PIKFYVE: variants seen among roughly 807,000 people sequenced by gnomAD.
The protein encoded by PIKFYVE is phosphoinositide kinase, FYVE-type zinc finger containing.
PIKFYVE carries 122 observed loss-of-function variants against 257.9 expected under a neutral mutation model. That is an observed-to-expected ratio of 0.47 (90% confidence interval 0.41 to 0.55). PIKFYVE has a LOEUF of 0.55. Ranked by LOEUF, PIKFYVE falls within the 20% of genes least tolerant of loss-of-function variation. PIKFYVE has a pLI of 0.00. For synonymous variants in PIKFYVE, 892 were observed against 868.9 expected, an observed-to-expected ratio of 1.03 and a Z score of -0.47; for missense variants, 2,160 against 2,536.6, an observed-to-expected ratio of 0.85 and a Z score of 3.19.
At position 208,357,618 on chromosome 2, in the gene PIKFYVE, GT is replaced by G. The variant is rs1489258937; in HGVS notation, c.*2314del. ...TAATCTCTCATTTTAAAATTGGACA[GT>G]ATTAATGAAGGGGAAATATACAATT... is the stretch of plus-strand genomic sequence containing the variant. On this transcript the variant is annotated 3_prime_UTR_variant, in exon 42 of 42. Transcript: ENST00000264380. 6.6e-6 allele frequency: 1 copy of G among 152,176 alleles called. No homozygotes were observed. Among genetic ancestry groups the G allele is most frequent in the East Asian group, 1.9e-4 (1 of 5,196 alleles). The allele number at this position is 152,176 out of a possible 1,614,324, so 9.4% of individuals were successfully genotyped here. A position where few individuals can be genotyped will look rare whatever the true frequency, so the allele number is the denominator to read the frequency against.
At chr2:208,319,006 G>C (rs1695892460) in intron 16 of PIKFYVE, among the ~76,000 whole-genome samples, 1 of 149,714 alleles carries the variant, frequency 6.7e-6, no homozygotes, top group South Asian at 2.1e-4. Flanking sequence ...GTCATTTGTT[G>C]GTCCTTGCAT....
chr2:208,290,900 G>A lies in PIKFYVE; in HGVS notation c.911+2082G>A, dbSNP rs117814046. ...CTATAATCACTTACTAATTTCAGGA[G>A]TTCGTTAGTTCTTTTGGATTTTCTA... On this transcript the variant is annotated intron_variant, in intron 7 of 41. Coordinates refer to ENST00000264380, the MANE Select transcript of PIKFYVE (RefSeq NM_015040.4). Among the ~76,000 whole-genome samples, 107 of 152,260 alleles carry A rather than the reference G, an allele frequency of 7.0e-4. 1 individual carries two copies. The East Asian group carries it at 0.02, about 28-fold the overall frequency.
chr2:208,310,114 A>G (rs1474272935), intron 12 of PIKFYVE, among the ~76,000 whole-genome samples: 1 of 152,150 alleles, frequency 6.6e-6, no homozygotes, highest in South Asian at 2.1e-4. Flanking sequence ...TTGAAGCGTA[A>G]TAGTTTGCTG....
chr2:208,355,098 G>A, intron 41 of PIKFYVE, 92 bp from the exon 42 acceptor site: 2 of 955,040 alleles, frequency 2.1e-6, no homozygotes, highest in Non-Finnish European at 3.3e-6. Context: ...TATCTTTATG[G>A]CAGTTTATAT....
chr2:208,342,477 A>C (rs1212446125), intron 31 of PIKFYVE, 77 bp from the exon 32 acceptor site: 10 of 1,062,810 alleles, frequency 9.4e-6, no homozygotes, highest in South Asian at 7.8e-5. Flanking sequence ...TCATATCTGC[A>C]TACATTTTGG....
At chr2:208,270,932 AG>A in intron 1 of PIKFYVE, among the ~76,000 whole-genome samples, 1 of 151,508 alleles carries the variant, frequency 6.6e-6, no homozygotes, top group Admixed American at 6.6e-5. Flanking sequence ...GCTACTCAGG[AG>A]GCTGAGGCAG....
intron 2 of PIKFYVE, among the ~76,000 whole-genome samples, chr2:208,272,379 T>C (rs904863127): frequency 3.3e-5 from 5 of 152,180 alleles, no homozygotes; most frequent in African/African-American, 1.2e-4. Context: ...TGGGGGTTAA[T>C]AGCTAAAATA....
At chr2:208,297,647 T>C (rs1032014006) in intron 7 of PIKFYVE, among the ~76,000 whole-genome samples, 5 of 152,162 alleles carry the variant, frequency 3.3e-5, no homozygotes, top group Non-Finnish European at 4.4e-5. Context: ...TAGGATGCTG[T>C]GAAGATTAAA....
At position 208,335,790 on chromosome 2, in the gene PIKFYVE, T is replaced by TA; in HGVS notation, c.4257-2dup. On this transcript the variant is annotated splice_region_variant and splice_polypyrimidine_tract_variant and intron_variant, in intron 25 of 41. Coordinates refer to ENST00000264380, the MANE Select transcript of PIKFYVE (RefSeq NM_015040.4). ...AAGTGTTTAATGCTCTCGCTATTGT[T>TA]AGAGTTTCACAGGTATATGTTGCCA... is the stretch of plus-strand genomic sequence containing the variant. 6.2e-7 allele frequency: 1 copy of TA among 1,603,124 alleles called. No homozygotes were observed. Among genetic ancestry groups the TA allele is most frequent in the Non-Finnish European group, 8.5e-7 (1 of 1,170,352 alleles).
intron 21 of PIKFYVE, among the ~76,000 whole-genome samples, chr2:208,328,586 T>A (rs1298916626): frequency 6.6e-6 from 1 of 152,192 alleles, no homozygotes; most frequent in African/African-American, 2.4e-5. Context: ...GGATTTAATA[T>A]TTTTTCAAAT....
At chr2:208,320,424 T>C in intron 17 of PIKFYVE, 65 bp downstream of exon 17, 2 of 1,580,512 alleles carry the variant, frequency 1.3e-6, no homozygotes, top group Admixed American at 3.4e-5. Context: ...GCTTATAAAC[T>C]CTTAATGATT....
In PIKFYVE at chr2:208,354,584, A is replaced by C; in HGVS notation, c.6120A>C (p.Thr2040=). The C allele has an allele frequency of 6.2e-7, 1 of 1,612,772 alleles. No homozygotes were observed. Among genetic ancestry groups the C allele is most frequent in the South Asian group, 1.1e-5 (1 of 91,044 alleles). ...LVVGIIDYIR[T]FTWDKKLEMV... The stretch of plus-strand genomic sequence containing the variant: ...TCTACCCCCCAGATTATATTCGAAC[A>C]TTTACATGGGACAAAAAGCTTGAGA... Residue 2040 remains threonine (T), a synonymous_variant, in exon 41 of 42, where the codon ACA becomes ACC. Transcript: ENST00000264380.
intron 12 of PIKFYVE, among the ~76,000 whole-genome samples, chr2:208,310,583 G>A (rs1421937064): frequency 2.0e-5 from 3 of 152,146 alleles, no homozygotes; most frequent in Non-Finnish European, 2.9e-5. Flanking sequence ...CACGGCTTCC[G>A]TAAATCTCTA....
intron 3 of PIKFYVE, 166 bp downstream of exon 3, chr2:208,273,899 C>T (rs1574399620): frequency 7.3e-6 from 10 of 1,361,816 alleles, no homozygotes; most frequent in East Asian, 2.5e-5. Context: ...ACTCTTACCT[C>T]GGTAGTGAAA....
chr2:208,345,161 G>GCACT lies in PIKFYVE; in HGVS notation c.5078_5079insCACT (p.Trp1693CysfsTer13). On this transcript the variant is annotated frameshift_variant, in exon 33 of 42. Coordinates refer to ENST00000264380, the MANE Select transcript of PIKFYVE (RefSeq NM_015040.4). LOFTEE classifies it high-confidence loss of function. ...GAGGAATTGTCTAAAGCGACTCAGT[G>GCACT]GAACAGTGCCGAAGAAGGGCTTCCA... is the stretch of plus-strand genomic sequence containing the variant. The GCACT allele has an allele frequency of 6.2e-7, 1 of 1,612,892 alleles. No homozygotes were observed. Among genetic ancestry groups the GCACT allele is most frequent in the Non-Finnish European group, 8.5e-7 (1 of 1,179,042 alleles).
At chr2:208,293,588 T>C (rs892237386) in intron 7 of PIKFYVE, among the ~76,000 whole-genome samples, 2 of 152,170 alleles carry the variant, frequency 1.3e-5, no homozygotes, top group African/African-American at 4.8e-5. Flanking sequence ...TCTCAACATC[T>C]TAAATATTTC....
intron 35 of PIKFYVE, 134 bp downstream of exon 35, chr2:208,348,157 G>A: frequency 3.5e-6 from 4 of 1,145,464 alleles, no homozygotes; most frequent in Non-Finnish European, 5.1e-6. Context: ...TCACTTGTCA[G>A]TGTGGTAGAG....
At position 208,346,053 on chromosome 2, in the gene PIKFYVE, T is replaced by G; in HGVS notation, c.5115T>G (p.Thr1705=). 1 of 1,611,238 alleles carries G rather than the reference T, an allele frequency of 6.2e-7. No homozygotes were observed. Among genetic ancestry groups the G allele is most frequent in the Admixed American group, 1.7e-5 (1 of 59,998 alleles). The stretch of plus-strand genomic sequence containing the variant: ...TTTTTTTTTCTTTTCATTTTAGTAC[T>G]TCAGATAGCAGACCAAAGAGTAGCA... The part of the protein sequence containing the change: ...SAEEGLPTNS[T]SDSRPKSSSP... Residue 1705 remains threonine, a synonymous_variant, in exon 34 of 42, where the codon ACT becomes ACG. Coordinates refer to ENST00000264380, the MANE Select transcript of PIKFYVE (RefSeq NM_015040.4).
rs926033412 is a variant in PIKFYVE at position 208,298,678 on chromosome 2, G to C, written c.949G>C (p.Gly317Arg). Residue 317 changes from glycine (G) to arginine (R), a missense_variant, in exon 8 of 42, where the codon GGT (glycine) becomes CGT (arginine). Gly to Arg is a moderately radical substitution (Grantham distance 125, BLOSUM62 -2). Around this residue, in one of 12 missense-constraint regions of PIKFYVE, gnomAD observed 187 missense variants for 185.6 expected, o/e 1.01. Coordinates refer to ENST00000264380, the MANE Select transcript of PIKFYVE (RefSeq NM_015040.4). ...TACTAACCTGTCACTGGATAGATCT[G>C]GTTCTCCTATGGTACCTTCATATGA... The part of the protein sequence containing the change: ...SITNLSLDRS[G>R]SPMVPSYETS... 6.2e-7 allele frequency: 1 copy of C among 1,613,846 alleles called. No homozygotes were observed. The highest frequency in any genetic ancestry group is 8.5e-7 in the Non-Finnish European group (1 of 1,179,942).
Sources: gnomAD v4.1 joint callset for allele counts (sites outside exome capture counted in the v4.1 genomes callset) on GRCh38, gnomAD v4.1.1 for gene constraint, gnomAD v4.1.1 regional missense constraint, MANE v1.5 for transcripts, NCBI Gene and HGNC (gene_info 2026-07-23, HGNC 2026-07-21) for gene names.